NTRK3: variants seen among roughly 807,000 people sequenced by gnomAD.
NTRK3 encodes NT-3 growth factor receptor.
Under a neutral mutation model 91.7 loss-of-function variants are expected in NTRK3, and 24 were observed. The ratio of observed to expected loss-of-function variants is 0.26; its 90% confidence interval spans 0.19 to 0.37. The LOEUF (loss-of-function observed/expected upper bound fraction) is 0.37. Among genes scored for constraint, NTRK3 ranks in the 10% least tolerant of loss-of-function variants. The pLI is 1.00. For missense variants in NTRK3, 880 were observed against 1,068.9 expected (o/e 0.82, Z 2.46); for synonymous variants, 483 against 404.0 (o/e 1.20, Z -2.34).
At chr15:88,056,200 ATATTTT>A (rs1463648053) in intron 13 of NTRK3, among the ~76,000 whole-genome samples, 4,137 of 99,866 alleles carry the variant, frequency 0.041, 178 homozygotes, top group African/African-American at 0.12. Context: ...ATATATATAT[ATATTTT>A]TTTTTTAATG....
rs533830643 is a variant in NTRK3 at position 87,998,013 on chromosome 15, T to C, written c.1585+34844A>G. On this transcript the variant is annotated intron_variant, in intron 14 of 18. Transcript: ENST00000394480. Reference sequence around the variant, plus strand: ...GCTCTAAAGAAGGTAATGTAGGAATTATCTTTGAATGTTAGTGCAATGACA... The same window carrying C: ...GCTCTAAAGAAGGTAATGTAGGAATCATCTTTGAATGTTAGTGCAATGACA... Among the ~76,000 whole-genome samples the C allele has an allele frequency of 6.7e-4, 102 of 152,348 alleles. 3 individuals carry two copies. The South Asian group carries it at 0.02, about 30-fold the overall frequency.
At chr15:88,163,148 C>A (rs1055723357) in intron 5 of NTRK3, among the ~76,000 whole-genome samples, 9 of 152,142 alleles carry the variant, frequency 5.9e-5, no homozygotes, top group African/African-American at 2.2e-4. Context: ...AGGCTCCCAA[C>A]TCATACAGAA....
chr15:87,974,577 G>T (rs2073553458), intron 14 of NTRK3, among the ~76,000 whole-genome samples: 6 of 152,126 alleles, frequency 3.9e-5, no homozygotes, highest in South Asian at 2.1e-4. Flanking sequence ...CAGCCTAACT[G>T]CTATCCTAAG....
chr15:88,033,701 T>C (rs768409858), intron 13 of NTRK3, among the ~76,000 whole-genome samples: 2 of 152,144 alleles, frequency 1.3e-5, no homozygotes, highest in Non-Finnish European at 2.9e-5. Flanking sequence ...ATTCTCTTTC[T>C]TGAGAATTAC....
chr15:87,958,573 C>G (rs1236484422), intron 14 of NTRK3, among the ~76,000 whole-genome samples: 1 of 152,036 alleles, frequency 6.6e-6, no homozygotes, highest in African/African-American at 2.4e-5. Flanking sequence ...ACGGCTCAAG[C>G]CCCTAGCCCA....
intron 10 of NTRK3, among the ~76,000 whole-genome samples, chr15:88,133,035 T>C (rs1341271564): frequency 2.0e-5 from 3 of 152,134 alleles, no homozygotes; most frequent in Non-Finnish European, 4.4e-5. Flanking sequence ...TGTTAAAACA[T>C]AGCTGCTAGA....
At chr15:88,024,397 C>G (rs2077850521) in intron 14 of NTRK3, among the ~76,000 whole-genome samples, 1 of 152,196 alleles carries the variant, frequency 6.6e-6, no homozygotes, top group Non-Finnish European at 1.5e-5. Flanking sequence ...GTTGTCTGCT[C>G]TATCCCCAGG....
chr15:88,153,144 A>C (rs2043548279), intron 5 of NTRK3, among the ~76,000 whole-genome samples: 1 of 152,204 alleles, frequency 6.6e-6, no homozygotes, highest in African/African-American at 2.4e-5. Context: ...TGCAAATCTT[A>C]TTTCTTTCAT....
rs372263477 is a variant in NTRK3 at position 88,188,223 on chromosome 15, G to A, written c.249-3924C>T. ...GTTCAATCAGAAACAGAGAGTGGAGGGAGGAGAAAGAGGGCAAAGGGGTGG... is the reference window on the plus strand; with the variant it reads ...GTTCAATCAGAAACAGAGAGTGGAGAGAGGAGAAAGAGGGCAAAGGGGTGG... On this transcript the variant is annotated intron_variant, in intron 3 of 18. Transcript: ENST00000394480. 8.5e-5 allele frequency among the ~76,000 whole-genome samples: 13 copies of A among 152,342 alleles called. 1 individual carries two copies. In the East Asian group the frequency reaches 2.1e-3, roughly 25 times the overall value.
intron 15 of NTRK3, among the ~76,000 whole-genome samples, chr15:87,940,001 G>C (rs1367694707): frequency 6.6e-6 from 1 of 152,192 alleles, no homozygotes. Flanking sequence ...CTGTGGTTAA[G>C]GGAGCCCTTC....
In NTRK3 at chr15:88,071,243, G is replaced by A. The variant is rs148832414; in HGVS notation, c.1397-38198C>T. 3.2e-3 allele frequency among the ~76,000 whole-genome samples: 481 copies of A among 152,330 alleles called. 2 individuals are homozygous for A. The highest frequency in any genetic ancestry group is 0.011 in the African/African-American group (455 of 41,574). ...GCATCCCAGCGATGAGGGCAGAAGC[G>A]GGTGCTACTTTCCTCCTGACTGACT... On this transcript the variant is annotated intron_variant, in intron 13 of 18. Coordinates refer to ENST00000394480, the Ensembl canonical transcript of NTRK3.
intron 3 of NTRK3, among the ~76,000 whole-genome samples, chr15:88,221,000 A>C (rs1432186722): frequency 1.3e-5 from 2 of 152,216 alleles, no homozygotes; most frequent in Admixed American, 6.5e-5. Context: ...AGTTCTCTGC[A>C]TTTTTAACAA....
At chr15:87,965,284 A>G (rs1397367513) in intron 14 of NTRK3, among the ~76,000 whole-genome samples, 3 of 152,262 alleles carry the variant, frequency 2.0e-5, no homozygotes, top group Non-Finnish European at 2.9e-5. Flanking sequence ...GTAATCAGAA[A>G]AAAGCACAAT....
At chr15:87,872,164 C>T (rs2064840115) in exon 19 of NTRK3, 1 of 219,700 alleles carries the variant, frequency 4.6e-6, no homozygotes. Flanking sequence ...TTTGGGACAG[C>T]TCTCTGGACT....
intron 14 of NTRK3, among the ~76,000 whole-genome samples, chr15:87,982,285 C>G (rs2074356220): frequency 6.6e-6 from 1 of 152,190 alleles, no homozygotes; most frequent in African/African-American, 2.4e-5. Context: ...TGTCTCAGAA[C>G]AACCCCTGAG....
At position 87,929,079 on chromosome 15, in the gene NTRK3, T is replaced by C. The variant is rs140489328; in HGVS notation, c.2133+112A>G. On this transcript the variant is annotated intron_variant, in intron 17 of 18. Coordinates refer to ENST00000394480, the Ensembl canonical transcript of NTRK3. ...TAACTGTTGAGTGCATGTCTGGGCA[T>C]GGGTGTGTATATGTGTGTGCCAGAG... The C allele has an allele frequency of 6.4e-4, 973 of 1,508,736 alleles. 6 individuals are homozygous for C. The Middle Eastern group carries it at 0.015, about 23-fold the overall frequency. 93.5% of individuals were successfully genotyped at this position (1,508,736 alleles called of 1,614,324 possible). A position where few individuals can be genotyped will look rare whatever the true frequency, so the allele number is the denominator to read the frequency against.
chr15:88,069,898 A>C (rs998358562), intron 13 of NTRK3, among the ~76,000 whole-genome samples: 3 of 152,176 alleles, frequency 2.0e-5, no homozygotes, highest in African/African-American at 4.8e-5. Context: ...CCTCTCTGGC[A>C]CTTGGAAAGT....
intron 3 of NTRK3, among the ~76,000 whole-genome samples, chr15:88,230,295 G>A (rs1434663091): frequency 1.3e-5 from 2 of 152,218 alleles, no homozygotes; most frequent in African/African-American, 4.8e-5. Flanking sequence ...CAGGATAAGA[G>A]GATGCCTGAA....
chr15:88,058,970 C>T (rs1276206085), intron 13 of NTRK3, among the ~76,000 whole-genome samples: 1 of 152,082 alleles, frequency 6.6e-6, no homozygotes, highest in African/African-American at 2.4e-5. Flanking sequence ...TCACCATCAG[C>T]AGCAAGCTAA....
Sources: gnomAD v4.1 joint callset for allele counts (sites outside exome capture counted in the v4.1 genomes callset) on GRCh38, gnomAD v4.1.1 for gene constraint, MANE v1.5 for transcripts, NCBI Gene and HGNC (gene_info 2026-07-23, HGNC 2026-07-21) for gene names.